Variants in MAP2K3 observed in about 807,000 individuals in gnomAD.
MAP2K3 encodes dual specificity mitogen-activated protein kinase kinase 3.
A neutral mutation model predicts 46.4 loss-of-function variants in MAP2K3; 30 were observed. The observed-to-expected ratio is 0.65, with a 90% CI of 0.48 to 0.88. The LOEUF is 0.88. Among genes scored for constraint, MAP2K3 ranks in the 40% least tolerant of loss-of-function variants. The pLI is 0.00. For synonymous variants in MAP2K3, 189 were observed against 176.3 expected, an observed-to-expected ratio of 1.07 and a Z score of -0.57; for missense variants, 380 against 464.5, an observed-to-expected ratio of 0.82 and a Z score of 1.67.
At chr17:21,290,510 C>T (rs1352425891) in intron 1 of MAP2K3, among the ~76,000 whole-genome samples, 6 of 152,296 alleles carry the variant, frequency 3.9e-5, no homozygotes, top group Admixed American at 1.3e-4. Flanking sequence ...GGCCAGCTCC[C>T]TACCTACCTC....
intron 3 of MAP2K3, among the ~76,000 whole-genome samples, chr17:21,299,629 C>T (rs1413006360): frequency 6.6e-6 from 1 of 152,140 alleles, no homozygotes; most frequent in Non-Finnish European, 1.5e-5. Flanking sequence ...TTGCAGTGAG[C>T]CATGATCGTA....
chr17:21,293,236 G>A (rs115443737), intron 1 of MAP2K3, among the ~76,000 whole-genome samples: 630 of 152,098 alleles, frequency 4.1e-3, no homozygotes, highest in African/African-American at 0.014. Context: ...CCTGATGCCC[G>A]CAGCCACCTG....
chr17:21,284,948 G>A lies in MAP2K3; in HGVS notation c.28G>A (p.Ala10Thr), dbSNP rs750892990. MESPASSQPASMPQSKGKSK... is the reference protein window; with the variant it reads MESPASSQPTSMPQSKGKSK... ...GGAGTCGCCCGCCTCGAGCCAGCCC[G>A]CCAGCATGCCCCAGTCCAAAGGTAG... The change falls in exon 1 of 12, where the codon GCC (alanine) becomes ACC (threonine). Residue 10 changes from alanine to threonine, a missense_variant. Physicochemically the swap from Ala to Thr is moderately conservative, Grantham distance 58 (BLOSUM62 0). This residue lies in a region of MAP2K3 where 294 missense variants were observed against 275.4 expected (regional missense o/e 1.07). Transcript: ENST00000342679. 28 of 1,612,124 alleles carry A rather than the reference G, an allele frequency of 1.7e-5. No homozygotes were observed. Among genetic ancestry groups the A allele is most frequent in the Non-Finnish European group, 2.4e-5 (28 of 1,179,606 alleles).
chr17:21,295,850 C>CCTTGGGATT (rs1976215222), intron 1 of MAP2K3: 2 of 1,252,304 alleles, frequency 1.6e-6, no homozygotes, highest in Non-Finnish European at 2.1e-6. Flanking sequence ...GGGTGGCAGG[C>CCTTGGGATT]TGGGGCCAGA....
chr17:21,288,089 G>A (rs1224503038), intron 1 of MAP2K3: 1 of 1,289,218 alleles, frequency 7.8e-7, no homozygotes, highest in Non-Finnish European at 1.0e-6. Flanking sequence ...GAGGCTTCCG[G>A]CGGTGAGTCA....
rs2363369 is a variant in MAP2K3 at position 21,314,437 on chromosome 17, G to C, written c.*207G>C. On this transcript the variant is annotated 3_prime_UTR_variant, in exon 12 of 12. Coordinates refer to ENST00000342679, the MANE Select transcript of MAP2K3 (RefSeq NM_145109.3). ...CATTGGGGCTCCCAGCCAGGCCCTT[G>C]TCGGCCCCACCAGTGCCTCTCCCTG... 2.1e-5 allele frequency: 12 copies of C among 581,550 alleles called. No homozygotes were observed. Among genetic ancestry groups the C allele is most frequent in the South Asian group, 7.9e-5 (4 of 50,828 alleles). The allele number at this position is 581,550 out of a possible 1,614,324, so 36.0% of individuals were successfully genotyped here.
intron 5 of MAP2K3, 36 bp downstream of exon 5, chr17:21,301,029 C>G (rs764490423): frequency 6.8e-6 from 11 of 1,613,644 alleles, no homozygotes; most frequent in East Asian, 2.2e-5. Flanking sequence ...GGATCTCCAC[C>G]TCCCACCCAT....
At chr17:21,308,408 A>G (rs1343805704) in intron 9 of MAP2K3, among the ~76,000 whole-genome samples, 3 of 152,308 alleles carry the variant, frequency 2.0e-5, no homozygotes, top group Admixed American at 6.5e-5. Flanking sequence ...TCAGCCTCCC[A>G]AAGTGTTGGG....
chr17:21,293,560 G>T (rs1976067298), intron 1 of MAP2K3, among the ~76,000 whole-genome samples: 1 of 152,312 alleles, frequency 6.6e-6, no homozygotes, highest in African/African-American at 2.4e-5. Context: ...GGCGCTGCCA[G>T]GTGGATAGTC....
At chr17:21,297,255 G>A (rs1403915213) in intron 1 of MAP2K3, among the ~76,000 whole-genome samples, 2 of 152,310 alleles carry the variant, frequency 1.3e-5, no homozygotes, top group African/African-American at 4.8e-5. Context: ...GCTTGGAGGC[G>A]GCTTCAGAGA....
chr17:21,296,191 T>G (rs919901067), intron 1 of MAP2K3: 32 of 1,289,284 alleles, frequency 2.5e-5, no homozygotes, highest in Non-Finnish European at 3.2e-5. Context: ...TGCTTCGTCC[T>G]GCAGCACTGT....
At chr17:21,312,388 T>G (rs73302043) in intron 10 of MAP2K3, 107 bp downstream of exon 10, 44 of 1,209,452 alleles carry the variant, frequency 3.6e-5, no homozygotes, top group African/African-American at 1.5e-4. Context: ...AACCCCCAGA[T>G]GACTTGGCAT....
At chr17:21,304,061 C>G (rs1372361092) in intron 7 of MAP2K3, among the ~76,000 whole-genome samples, 5 of 151,690 alleles carry the variant, frequency 3.3e-5, no homozygotes, top group Non-Finnish European at 5.9e-5. Context: ...ATTGATCCTG[C>G]TGCCCTCTGG....
intron 1 of MAP2K3, 37 bp from the exon 2 acceptor site, chr17:21,298,376 G>C (rs755483796): frequency 6.2e-7 from 1 of 1,614,100 alleles, no homozygotes; most frequent in South Asian, 1.1e-5. Flanking sequence ...TTGATGTCAA[G>C]GGATAGGCCA....
intron 1 of MAP2K3, among the ~76,000 whole-genome samples, chr17:21,293,882 A>G (rs1016067930): frequency 9.2e-5 from 14 of 152,422 alleles, no homozygotes; most frequent in African/African-American, 2.9e-4. Flanking sequence ...TCCTCTCCAG[A>G]GCCCAGGACA....
intron 1 of MAP2K3, among the ~76,000 whole-genome samples, chr17:21,297,076 C>G (rs1264201412): frequency 6.6e-6 from 1 of 152,312 alleles, no homozygotes; most frequent in Non-Finnish European, 1.5e-5. Context: ...GGACCCCTGT[C>G]CCTGCCAAGG....
chr17:21,304,347 G>A (rs1976770857), intron 7 of MAP2K3, 79 bp from the exon 8 acceptor site: 5 of 1,608,108 alleles, frequency 3.1e-6, no homozygotes, highest in South Asian at 1.1e-5. Flanking sequence ...CGAGGGAGGG[G>A]GGCACAGCTA....
chr17:21,303,848 C>T (rs535346302), intron 7 of MAP2K3, among the ~76,000 whole-genome samples: 82 of 152,382 alleles, frequency 5.4e-4, no homozygotes, highest in African/African-American at 1.9e-3. Context: ...CCCAGCCCCC[C>T]AGGTCACTGT....
At chr17:21,285,261 C>T in intron 1 of MAP2K3, 1 of 985,340 alleles carries the variant, frequency 1.0e-6, no homozygotes, top group Non-Finnish European at 1.2e-6. Flanking sequence ...ATTCTGACCT[C>T]ATTTGGGCCT....
Sources: gnomAD v4.1 joint callset for allele counts (sites outside exome capture counted in the v4.1 genomes callset) on GRCh38, gnomAD v4.1.1 for gene constraint, gnomAD v4.1.1 regional missense constraint, MANE v1.5 for transcripts, NCBI Gene and HGNC (gene_info 2026-07-23, HGNC 2026-07-21) for gene names.